Variants in CNTN4 observed in about 807,000 individuals in gnomAD.
CNTN4 encodes contactin 4.
In CNTN4, 77 loss-of-function variants were observed where a neutral mutation model predicts 122.5. The observed-to-expected ratio is 0.63, with a 90% confidence interval of 0.52 to 0.76. CNTN4 has a LOEUF of 0.76. Ranked by LOEUF, CNTN4 falls within the 30% of genes least tolerant of loss-of-function variation. The pLI is 0.00. For missense variants in CNTN4, 1,256 were observed against 1,259.1 expected, an observed-to-expected ratio of 1.00 and a Z score of 0.04; for synonymous variants, 512 against 447.0, an observed-to-expected ratio of 1.15 and a Z score of -1.83.
chr3:2,377,169 A>G (rs1362880748), intron 3 of CNTN4, among the ~76,000 whole-genome samples: 1 of 151,970 alleles, frequency 6.6e-6, no homozygotes, highest in Non-Finnish European at 1.5e-5. Flanking sequence ...AAAAAAAAAA[A>G]AAAAAGAAAA....
intron 4 of CNTN4, among the ~76,000 whole-genome samples, chr3:2,600,621 T>G (rs1199714972): frequency 6.6e-6 from 1 of 152,214 alleles, no homozygotes; most frequent in African/African-American, 2.4e-5. Context: ...TTGGGTTGAT[T>G]CCAAGTCTTT....
At chr3:2,384,757 T>TGTGC (rs1322876913) in intron 3 of CNTN4, among the ~76,000 whole-genome samples, 2 of 132,174 alleles carry the variant, frequency 1.5e-5, no homozygotes, top group African/African-American at 2.8e-5. Context: ...CAACTCAATG[T>TGTGC]GTGCGTGTGT....
intron 6 of CNTN4, among the ~76,000 whole-genome samples, chr3:2,751,611 T>C (rs2090095899): frequency 6.6e-6 from 1 of 152,134 alleles, no homozygotes; most frequent in Admixed American, 6.5e-5. Context: ...TTTGCACAGC[T>C]TAACGAAGGG....
chr3:2,818,277 G>A (rs974045742), intron 6 of CNTN4, among the ~76,000 whole-genome samples: 3 of 152,218 alleles, frequency 2.0e-5, no homozygotes, highest in Non-Finnish European at 4.4e-5. Flanking sequence ...ATTAAGACAT[G>A]TCTATATGTA....
intron 2 of CNTN4, among the ~76,000 whole-genome samples, chr3:2,291,743 A>C (rs1006964416): frequency 2.0e-5 from 3 of 151,682 alleles, no homozygotes; most frequent in African/African-American, 4.8e-5. Context: ...TTATTTATTA[A>C]CTTTTTTTGA....
At chr3:2,503,627 G>A (rs970469040) in intron 3 of CNTN4, among the ~76,000 whole-genome samples, 12 of 152,066 alleles carry the variant, frequency 7.9e-5, no homozygotes, top group African/African-American at 2.9e-4. Flanking sequence ...CATGATACCA[G>A]GCTGTCTGAC....
chr3:2,777,719 G>A (rs62232875), intron 6 of CNTN4, among the ~76,000 whole-genome samples: 1,870 of 152,278 alleles, frequency 0.012, 21 homozygotes, highest in South Asian at 0.037. Flanking sequence ...CAGTTCTAAT[G>A]TATGTCCTTT....
At chr3:2,214,127 A>G (rs894648111) in intron 2 of CNTN4, among the ~76,000 whole-genome samples, 2 of 152,128 alleles carry the variant, frequency 1.3e-5, no homozygotes, top group African/African-American at 2.4e-5. Context: ...TTTTAAATGT[A>G]TATTTGCTCA....
chr3:2,451,184 G>C (rs1488814987), intron 3 of CNTN4, among the ~76,000 whole-genome samples: 12 of 152,136 alleles, frequency 7.9e-5, no homozygotes, highest in Admixed American at 7.9e-4. Flanking sequence ...GAGTGACCTT[G>C]AAACTAGGTA....
intron 13 of CNTN4, among the ~76,000 whole-genome samples, chr3:2,937,150 C>A (rs73805457): frequency 6.6e-6 from 1 of 152,148 alleles, no homozygotes; most frequent in East Asian, 1.9e-4. Flanking sequence ...TTTGCTGTGC[C>A]TTTTATTTGT....
At chr3:2,676,661 G>A (rs1392542160) in intron 4 of CNTN4, among the ~76,000 whole-genome samples, 1 of 152,180 alleles carries the variant, frequency 6.6e-6, no homozygotes, top group Non-Finnish European at 1.5e-5. Flanking sequence ...CAATTCTAGG[G>A]GAAAGAAACG....
chr3:2,265,746 A>G (rs551446898), intron 2 of CNTN4, among the ~76,000 whole-genome samples: 1 of 137,306 alleles, frequency 7.3e-6, no homozygotes, highest in Non-Finnish European at 1.6e-5. Context: ...TTCCTTCATC[A>G]GTGTTTTATA....
At chr3:2,368,101 C>T (rs1289472524) in intron 3 of CNTN4, among the ~76,000 whole-genome samples, 5 of 146,730 alleles carry the variant, frequency 3.4e-5, no homozygotes, top group East Asian at 2.0e-4. Flanking sequence ...GGCGCGATCT[C>T]GGCTCACTGC....
intron 4 of CNTN4, among the ~76,000 whole-genome samples, chr3:2,620,806 CT>C (rs1379110405): frequency 6.6e-6 from 1 of 152,126 alleles, no homozygotes; most frequent in Non-Finnish European, 1.5e-5. Flanking sequence ...ATTATTCTTC[CT>C]TTGACACAAA....
At chr3:2,983,569 C>T (rs1397576397) in intron 13 of CNTN4, among the ~76,000 whole-genome samples, 1 of 152,164 alleles carries the variant, frequency 6.6e-6, no homozygotes, top group African/African-American at 2.4e-5. Context: ...GTGTATTTTA[C>T]ATGTCAGGCA....
chr3:2,113,348 G>A (rs759002858), intron 2 of CNTN4, among the ~76,000 whole-genome samples: 12 of 152,154 alleles, frequency 7.9e-5, no homozygotes, highest in Non-Finnish European at 2.9e-5. Context: ...CTATAGTTCA[G>A]AATAGAGTAT....
chr3:2,278,175 C>T (rs2041588191), intron 2 of CNTN4, among the ~76,000 whole-genome samples: 1 of 152,082 alleles, frequency 6.6e-6, no homozygotes, highest in Non-Finnish European at 1.5e-5. Context: ...CTAACATAGG[C>T]AAAAACTTTC....
At chr3:2,728,525 C>T (rs951358517) in intron 4 of CNTN4, among the ~76,000 whole-genome samples, 3 of 152,164 alleles carry the variant, frequency 2.0e-5, no homozygotes, top group African/African-American at 7.2e-5. Flanking sequence ...GCAGAACTTC[C>T]CCTTCCTTTT....
chr3:2,202,668 T>G (rs773209040), intron 2 of CNTN4, among the ~76,000 whole-genome samples: 25 of 152,274 alleles, frequency 1.6e-4, no homozygotes, highest in South Asian at 1.0e-3. Context: ...AATTTAAGTT[T>G]CAGAGAAGCT....
Sources: allele counts gnomAD v4.1 joint callset (sites outside exome capture counted in the v4.1 genomes callset), GRCh38; gene constraint gnomAD v4.1.1; transcripts MANE v1.5; gene names NCBI Gene and HGNC (gene_info 2026-07-23, HGNC 2026-07-21).